CAMK4: variants seen among roughly 807,000 people sequenced by gnomAD.
CAMK4 encodes calcium/calmodulin dependent protein kinase IV.
A neutral mutation model predicts 44.9 loss-of-function variants in CAMK4; 22 were observed. The ratio of observed to expected loss-of-function variants is 0.49; its 90% CI spans 0.35 to 0.70. The LOEUF is 0.70. Ranked by LOEUF, CAMK4 falls within the 30% of genes least tolerant of loss-of-function variation. The pLI is 0.01. For missense variants in CAMK4, 498 were observed against 586.8 expected, an observed-to-expected ratio of 0.85 and a Z score of 1.56; for synonymous variants, 218 against 215.4, an observed-to-expected ratio of 1.01 and a Z score of -0.11.
chr5:111,262,341 C>T (rs1750025179), intron 1 of CAMK4, among the ~76,000 whole-genome samples: 1 of 152,042 alleles, frequency 6.6e-6, no homozygotes, highest in African/African-American at 2.4e-5. Flanking sequence ...GATTGGGCCA[C>T]TGGTGCTTAT....
chr5:111,245,996 G>C (rs1176051836), intron 1 of CAMK4, among the ~76,000 whole-genome samples: 1 of 152,194 alleles, frequency 6.6e-6, no homozygotes, highest in Non-Finnish European at 1.5e-5. Context: ...CCACCATATA[G>C]AGCAGGGATT....
intron 7 of CAMK4, among the ~76,000 whole-genome samples, chr5:111,467,934 T>TCACACA (rs60254627): frequency 0.1 from 14,527 of 143,244 alleles, 804 homozygotes; most frequent in Middle Eastern, 0.17. Context: ...AAAGAAATTG[T>TCACACA]CACACACACA....
upstream of CAMK4, chr5:111,224,216 G>A (rs914121100): frequency 2.8e-5 from 9 of 318,474 alleles, no homozygotes; most frequent in African/African-American, 4.4e-5. This position sits in a 1 kb window ranked among gnomAD's most constrained non-coding sequence, Gnocchi z 5.7. Flanking sequence ...AAGGAGCGAG[G>A]GGGAGGGAGC....
In CAMK4 at chr5:111,374,921, T is replaced by C; in HGVS notation, c.303+9T>C. 1 of 1,584,228 alleles carries C rather than the reference T, an allele frequency of 6.3e-7. No individual in the cohort carries two copies. On this transcript the variant is annotated intron_variant, in intron 3 of 10. Coordinates refer to ENST00000282356, the MANE Select transcript of CAMK4 (RefSeq NM_001744.6). Reference sequence around the variant, plus strand: ...TCTCACATCCAAACATTGTAAGTGGTTTTTAACCTACTATTTCAAATGATT... The same window carrying C: ...TCTCACATCCAAACATTGTAAGTGGCTTTTAACCTACTATTTCAAATGATT...
chr5:111,332,538 A>G (rs970792933), intron 1 of CAMK4, among the ~76,000 whole-genome samples: 1 of 151,550 alleles, frequency 6.6e-6, no homozygotes, highest in Non-Finnish European at 1.5e-5. Context: ...TGCAATAAAC[A>G]TATGTGTGCA....
At chr5:111,281,455 A>G (rs1317573208) in intron 1 of CAMK4, among the ~76,000 whole-genome samples, 5 of 152,182 alleles carry the variant, frequency 3.3e-5, no homozygotes, top group African/African-American at 9.7e-5. Context: ...CCCTTAATCT[A>G]TGGTATACAT....
intron 1 of CAMK4, among the ~76,000 whole-genome samples, chr5:111,264,693 A>G (rs528046887): frequency 2.6e-5 from 4 of 152,054 alleles, no homozygotes; most frequent in Non-Finnish European, 4.4e-5. Flanking sequence ...TTCTCTGTTG[A>G]AATGGCTGCA....
chr5:111,350,768 G>A (rs1750073056), intron 2 of CAMK4, among the ~76,000 whole-genome samples: 1 of 151,974 alleles, frequency 6.6e-6, no homozygotes, highest in South Asian at 2.1e-4. Flanking sequence ...ATAAATGTTG[G>A]TTTGATTTTT....
chr5:111,370,486 A>G (rs1208157528), intron 2 of CAMK4, among the ~76,000 whole-genome samples: 6 of 152,236 alleles, frequency 3.9e-5, no homozygotes, highest in African/African-American at 1.4e-4. Flanking sequence ...GGAGTGGGAG[A>G]AACCTGTATT....
At chr5:111,424,104 A>C (rs1753127917) in intron 5 of CAMK4, among the ~76,000 whole-genome samples, 1 of 152,204 alleles carries the variant, frequency 6.6e-6, no homozygotes, top group Non-Finnish European at 1.5e-5. Context: ...GCCCTGCTAT[A>C]GACTATATTG....
At chr5:111,406,197 TC>T (rs1752421183) in intron 5 of CAMK4, among the ~76,000 whole-genome samples, 1 of 141,576 alleles carries the variant, frequency 7.1e-6, no homozygotes, top group Non-Finnish European at 1.5e-5. Context: ...ATTTATTTTC[TC>T]TCTCTCTCTC....
chr5:111,319,906 A>T (rs1418233976), intron 1 of CAMK4, among the ~76,000 whole-genome samples: 5 of 152,194 alleles, frequency 3.3e-5, no homozygotes, highest in Non-Finnish European at 7.3e-5. Flanking sequence ...AACTTATGAG[A>T]TGGCTGTTTG....
intron 2 of CAMK4, among the ~76,000 whole-genome samples, chr5:111,357,005 G>T (rs1479526129): frequency 1.3e-5 from 2 of 152,032 alleles, no homozygotes; most frequent in African/African-American, 4.8e-5. Flanking sequence ...AGGCCTGAGT[G>T]CTGTTGCCCA....
intron 5 of CAMK4, among the ~76,000 whole-genome samples, chr5:111,425,847 G>C (rs1262667888): frequency 1.3e-5 from 2 of 152,012 alleles, no homozygotes; most frequent in Non-Finnish European, 2.9e-5. Context: ...TATCACCTCA[G>C]GAATTTTATT....
At chr5:111,272,140 T>C (rs1750545004) in intron 1 of CAMK4, among the ~76,000 whole-genome samples, 1 of 152,020 alleles carries the variant, frequency 6.6e-6, no homozygotes, top group Admixed American at 6.6e-5. Flanking sequence ...TGTGTGGTTA[T>C]TGAATAAAAT....
chr5:111,228,625 T>A (rs1207803718), intron 1 of CAMK4, among the ~76,000 whole-genome samples: 1 of 148,666 alleles, frequency 6.7e-6, no homozygotes, highest in Admixed American at 6.7e-5. Context: ...TATTATATGC[T>A]GTTTGATTTC....
intron 2 of CAMK4, among the ~76,000 whole-genome samples, chr5:111,369,300 A>T (rs981037153): frequency 1.3e-5 from 2 of 152,038 alleles, no homozygotes; most frequent in Admixed American, 6.6e-5. Flanking sequence ...CCTGGCTCCA[A>T]GTGATCCACC....
chr5:111,302,121 A>G (rs1747745861), intron 1 of CAMK4: 1 of 152,184 alleles, frequency 6.6e-6, no homozygotes, highest in Non-Finnish European at 1.5e-5. Context: ...TTTTATATTA[A>G]TAAGCCATAT....
intron 4 of CAMK4, among the ~76,000 whole-genome samples, chr5:111,384,931 C>A (rs1170977068): frequency 2.0e-5 from 3 of 152,158 alleles, no homozygotes; most frequent in Non-Finnish European, 4.4e-5. Flanking sequence ...CCTTACCATG[C>A]TGGCTTTACC....
Sources: gnomAD v4.1 joint callset for allele counts (sites outside exome capture counted in the v4.1 genomes callset) on GRCh38, gnomAD v4.1.1 for gene constraint, Gnocchi (gnomAD v3.1) non-coding constraint, MANE v1.5 for transcripts, NCBI Gene and HGNC (gene_info 2026-07-23, HGNC 2026-07-21) for gene names.